The following ZFTRAF1 variants were observed in gnomAD, a reference collection of about 807,000 sequenced individuals.
ZFTRAF1 encodes zinc finger TRAF-type and ring finger containing 1, also known as zinc finger TRAF-type-containing protein 1.
chr8:144,458,668 C>T, the ZFTRAF1 span, among the ~76,000 whole-genome samples: 1 of 152,124 alleles, frequency 6.6e-6, no homozygotes, highest in Non-Finnish European at 1.5e-5. Flanking sequence ...GGGAGGGCCA[C>T]GGCACACACC....
chr8:144,459,244 G>A, the ZFTRAF1 span, among the ~76,000 whole-genome samples: 14 of 152,342 alleles, frequency 9.2e-5, no homozygotes, highest in Admixed American at 3.9e-4. Flanking sequence ...CGGCAGGAAC[G>A]ACCTGACCAC....
At chr8:144,461,809 G>C in the ZFTRAF1 span, among the ~76,000 whole-genome samples, 1 of 152,184 alleles carries the variant, frequency 6.6e-6, no homozygotes, top group Non-Finnish European at 1.5e-5. Flanking sequence ...ATGTTCAGGA[G>C]TGGAGGGACA....
chr8:144,459,592 G>A, the ZFTRAF1 span, among the ~76,000 whole-genome samples: 1 of 152,192 alleles, frequency 6.6e-6, no homozygotes, highest in African/African-American at 2.4e-5. Flanking sequence ...GCTCAGACCT[G>A]GGGCACCACC....
chr8:144,459,238 AG>A, the ZFTRAF1 span, among the ~76,000 whole-genome samples: 1 of 152,244 alleles, frequency 6.6e-6, no homozygotes. Flanking sequence ...GGGAGCCGGC[AG>A]GAACGACCTG....
At chr8:144,460,908 T>C in the ZFTRAF1 span, among the ~76,000 whole-genome samples, 6 of 152,278 alleles carry the variant, frequency 3.9e-5, no homozygotes, top group African/African-American at 1.2e-4. Context: ...TTCTTCCGCC[T>C]GGGAGGATCG....
At chr8:144,457,951 G>A in the ZFTRAF1 span, 2 of 152,322 alleles carry the variant, frequency 1.3e-5, no homozygotes, top group African/African-American at 4.8e-5. Flanking sequence ...TGCAGCCAAA[G>A]GGCTTCCCTG....
the ZFTRAF1 span, among the ~76,000 whole-genome samples, chr8:144,458,867 G>A: frequency 3.9e-5 from 6 of 152,358 alleles, no homozygotes; most frequent in East Asian, 1.9e-4. Context: ...GCAGGGCCGA[G>A]TTAGAGGGAG....
At chr8:144,450,263 TCTC>T in the ZFTRAF1 span, 13 of 623,350 alleles carry the variant, frequency 2.1e-5, no homozygotes, top group Middle Eastern at 4.0e-4. Context: ...CTTCGTTTGT[TCTC>T]CTCCTTTGCT....
the ZFTRAF1 span, chr8:144,450,175 G>A: frequency 1.8e-6 from 1 of 562,048 alleles, no homozygotes; most frequent in Non-Finnish European, 3.2e-6. Context: ...CCCTCGGAAG[G>A]AGGGGAGGCA....
the ZFTRAF1 span, chr8:144,455,825 C>G: frequency 1.3e-5 from 2 of 152,238 alleles, no homozygotes; most frequent in Admixed American, 6.5e-5. Context: ...GGTCCTAGAC[C>G]CTCCTAAGGG....
At chr8:144,459,363 G>A in the ZFTRAF1 span, among the ~76,000 whole-genome samples, 2 of 152,238 alleles carry the variant, frequency 1.3e-5, no homozygotes, top group Non-Finnish European at 2.9e-5. Flanking sequence ...ACCTTGTCAG[G>A]CCAGTCCCCC....
chr8:144,451,977 G>A, the ZFTRAF1 span: 4 of 318,254 alleles, frequency 1.3e-5, no homozygotes, highest in East Asian at 7.6e-5. Context: ...CCCAGGGTCC[G>A]AGGGGCAGGC....
At chr8:144,450,225 G>T in the ZFTRAF1 span, 2 of 598,598 alleles carry the variant, frequency 3.3e-6, no homozygotes, top group East Asian at 5.5e-5. Context: ...GCCCCGTCGC[G>T]CACGCATGCA....
At chr8:144,453,219 T>A in the ZFTRAF1 span, 2 of 1,550,442 alleles carry the variant, frequency 1.3e-6, no homozygotes, top group Non-Finnish European at 1.7e-6. Flanking sequence ...GACCCTCAGT[T>A]ACCTGTCCTG....
chr8:144,460,062 G>A, the ZFTRAF1 span, among the ~76,000 whole-genome samples: 1 of 152,232 alleles, frequency 6.6e-6, no homozygotes, highest in Non-Finnish European at 1.5e-5. Context: ...AGCAGAGCAG[G>A]CCAGAGCCCA....
the ZFTRAF1 span, among the ~76,000 whole-genome samples, chr8:144,458,976 G>A: frequency 3.9e-5 from 6 of 152,390 alleles, no homozygotes; most frequent in African/African-American, 1.4e-4. Flanking sequence ...GGAACAATGC[G>A]CAGTCCCTTC....
the ZFTRAF1 span, chr8:144,452,076 C>T: frequency 2.1e-6 from 1 of 485,180 alleles, no homozygotes. Context: ...TGAGATGCCA[C>T]CTTGCAGGGA....
chr8:144,452,735 G>C, the ZFTRAF1 span, among the ~76,000 whole-genome samples: 1 of 152,236 alleles, frequency 6.6e-6, no homozygotes, highest in African/African-American at 2.4e-5. Context: ...CATGTGGAGA[G>C]AAAGGAGACA....
the ZFTRAF1 span, among the ~76,000 whole-genome samples, chr8:144,460,502 C>A: frequency 6.6e-6 from 1 of 152,378 alleles, no homozygotes; most frequent in Admixed American, 6.5e-5. Context: ...TCCAGCCCAC[C>A]CACCAATGGG....
Sources: gnomAD v4.1 joint callset for allele counts (sites outside exome capture counted in the v4.1 genomes callset) on GRCh38, gnomAD v4.1.1 for gene constraint, MANE v1.5 for transcripts, NCBI Gene and HGNC (gene_info 2026-07-23, HGNC 2026-07-21) for gene names.